Variants in TUBB8B observed in about 807,000 individuals in gnomAD.
The protein encoded by TUBB8B is tubulin beta 8B, also known as HSA18p11 beta-tubulin 4Q pseudogene.
A neutral mutation model predicts 31.9 loss-of-function variants in TUBB8B; 26 were observed. The ratio of observed to expected loss-of-function variants is 0.81; its 90% confidence interval spans 0.60 to 1.13. The LOEUF is 1.13. Among genes scored for constraint, TUBB8B ranks in the 50% most tolerant of loss-of-function variants. TUBB8B has a pLI of 0.00. For missense variants in TUBB8B, 467 were observed against 586.7 expected (o/e 0.80, Z 2.11); for synonymous variants, 173 against 231.0 (o/e 0.75, Z 2.28).
the TUBB8B span, among the ~76,000 whole-genome samples, chr18:62,596 T>G: frequency 6.6e-6 from 1 of 151,476 alleles, no homozygotes; most frequent in Non-Finnish European, 1.5e-5. Context: ...TTTCTTTTTG[T>G]ATTTTTAGTA....
chr18:69,536 C>G, the TUBB8B span, among the ~76,000 whole-genome samples: 1 of 152,124 alleles, frequency 6.6e-6, no homozygotes, highest in Non-Finnish European at 1.5e-5. Flanking sequence ...AGCTTAAAAA[C>G]ACCTAAATAA....
chr18:51,663 T>C (rs79648464), upstream of TUBB8B, among the ~76,000 whole-genome samples: 351 of 126,306 alleles, frequency 2.8e-3, no homozygotes, highest in African/African-American at 4.0e-3. Flanking sequence ...TGGCCTCGAT[T>C]TCCTCACCTC....
chr18:72,196 A>AAAAAAAAAAAAAC, the TUBB8B span, among the ~76,000 whole-genome samples: 63 of 84,470 alleles, frequency 7.5e-4, 3 homozygotes, highest in South Asian at 2.7e-3. Flanking sequence ...AAAAAAAAAA[A>AAAAAAAAAAAAAC]AAAGGAAAAA....
the TUBB8B span, among the ~76,000 whole-genome samples, chr18:55,760 C>G: frequency 6.6e-6 from 1 of 151,824 alleles, no homozygotes; most frequent in South Asian, 2.1e-4. Flanking sequence ...GGGTAATTTA[C>G]AAATATTTTC....
At chr18:51,528 T>C (rs199735099), upstream of TUBB8B, among the ~76,000 whole-genome samples, 214 of 127,564 alleles carry the variant, frequency 1.7e-3, no homozygotes, top group Non-Finnish European at 1.7e-3. Context: ...CAACCTCTGA[T>C]TCCCGGGTTC....
the TUBB8B span, among the ~76,000 whole-genome samples, chr18:55,569 C>T: frequency 6.6e-6 from 1 of 151,640 alleles, no homozygotes; most frequent in African/African-American, 2.4e-5. Context: ...CTTATAAAAC[C>T]ATCAGATCTC....
chr18:66,825 A>G, the TUBB8B span, among the ~76,000 whole-genome samples: 2 of 152,170 alleles, frequency 1.3e-5, no homozygotes, highest in Non-Finnish European at 2.9e-5. Context: ...GGATTGTAAC[A>G]GGATCCACAA....
chr18:71,257 A>C, the TUBB8B span, among the ~76,000 whole-genome samples: 1 of 151,620 alleles, frequency 6.6e-6, no homozygotes, highest in Non-Finnish European at 1.5e-5. Flanking sequence ...CAATCAATAA[A>C]GATGTAAAGG....
At chr18:54,491 A>C (rs1190395886), upstream of TUBB8B, among the ~76,000 whole-genome samples, 1 of 151,582 alleles carries the variant, frequency 6.6e-6, no homozygotes, top group Non-Finnish European at 1.5e-5. Context: ...TCTTTCTAAC[A>C]ATTTTTTGTA....
At chr18:63,101 C>T in the TUBB8B span, among the ~76,000 whole-genome samples, 23,523 of 151,564 alleles carry the variant, frequency 0.16, 2,341 homozygotes, top group East Asian at 0.45. Context: ...TGAAAGGTCA[C>T]ATATCTCTAT....
At chr18:72,043 G>A in the TUBB8B span, among the ~76,000 whole-genome samples, 1 of 152,000 alleles carries the variant, frequency 6.6e-6, no homozygotes, top group Middle Eastern at 3.4e-3. Flanking sequence ...GCTGGGCGTT[G>A]TGGCAGGCGC....
chr18:51,736 G>A (rs111334831), upstream of TUBB8B, among the ~76,000 whole-genome samples: 7 of 151,724 alleles, frequency 4.6e-5, no homozygotes. Context: ...TTATAAAGGG[G>A]AGTTTCCCTA....
upstream of TUBB8B, among the ~76,000 whole-genome samples, chr18:54,372 C>T (rs1389484437): frequency 6.6e-6 from 1 of 151,804 alleles, no homozygotes; most frequent in Non-Finnish European, 1.5e-5. Flanking sequence ...GCATTTATAG[C>T]TTGTGTTATA....
the TUBB8B span, among the ~76,000 whole-genome samples, chr18:70,117 G>A: frequency 5.9e-5 from 9 of 152,274 alleles, no homozygotes; most frequent in Middle Eastern, 3.4e-3. Flanking sequence ...TCTCCACTGC[G>A]CCACTGCACT....
At chr18:66,727 T>A in the TUBB8B span, among the ~76,000 whole-genome samples, 60 of 152,214 alleles carry the variant, frequency 3.9e-4, no homozygotes, top group South Asian at 1.5e-3. Context: ...GTTGTTGTTG[T>A]TTTGACACTA....
At chr18:63,916 A>C in the TUBB8B span, among the ~76,000 whole-genome samples, 2 of 147,320 alleles carry the variant, frequency 1.4e-5, no homozygotes, top group African/African-American at 5.1e-5. Flanking sequence ...CCCAAACCCT[A>C]ACCCTAGTCC....
upstream of TUBB8B, chr18:49,627 C>A: frequency 1.3e-6 from 1 of 742,204 alleles, no homozygotes; most frequent in East Asian, 2.7e-5. Context: ...ACCCAGCCCG[C>A]CCTCCGCTAA....
At chr18:57,364 T>C in the TUBB8B span, among the ~76,000 whole-genome samples, 1 of 151,632 alleles carries the variant, frequency 6.6e-6, no homozygotes, top group Non-Finnish European at 1.5e-5. Flanking sequence ...CTAAAAGGAA[T>C]AAATCAGCTA....
At chr18:49,418 G>A (rs939082261) in intron 1 of TUBB8B, 83 bp downstream of exon 1, 5 of 880,922 alleles carry the variant, frequency 5.7e-6, no homozygotes, top group East Asian at 2.7e-5. Flanking sequence ...CCGCAATGCA[G>A]GGGCACCGCT....
Sources: gnomAD v4.1 joint callset for allele counts (sites outside exome capture counted in the v4.1 genomes callset) on GRCh38, gnomAD v4.1.1 for gene constraint, MANE v1.5 for transcripts, NCBI Gene and HGNC (gene_info 2026-07-23, HGNC 2026-07-21) for gene names.